MAST4: variants seen among roughly 807,000 people sequenced by gnomAD.
MAST4 encodes microtubule associated serine/threonine kinase family member 4, also known as microtubule-associated serine/threonine-protein kinase 4.
Under a neutral mutation model 162.7 loss-of-function variants are expected in MAST4, and 89 were observed. The ratio of observed to expected loss-of-function variants is 0.55; its 90% CI spans 0.46 to 0.65. MAST4 has a LOEUF of 0.65. MAST4 is among the 30% of genes least tolerant of loss of function. The pLI is 0.00. For missense variants in MAST4, 3,153 were observed against 3,374.0 expected, an observed-to-expected ratio of 0.93 and a Z score of 1.62; for synonymous variants, 1,479 against 1,361.1, an observed-to-expected ratio of 1.09 and a Z score of -1.91.
chr5:66,850,428 T>A (rs1759220669), intron 3 of MAST4, among the ~76,000 whole-genome samples: 1 of 152,258 alleles, frequency 6.6e-6, no homozygotes, highest in Non-Finnish European at 1.5e-5. Context: ...TGAGTTCTTC[T>A]GTGTGGCCAC....
intron 1 of MAST4, among the ~76,000 whole-genome samples, chr5:66,697,950 C>T (rs1363541637): frequency 8.5e-5 from 13 of 152,168 alleles, no homozygotes; most frequent in Admixed American, 8.5e-4. Context: ...CCATAAGCTA[C>T]AGCACGTCCT....
chr5:67,060,773 C>T (rs1391376791), intron 5 of MAST4, among the ~76,000 whole-genome samples: 1 of 152,070 alleles, frequency 6.6e-6, no homozygotes, highest in African/African-American at 2.4e-5. Flanking sequence ...CCAGTGCCAT[C>T]CTTGATATCA....
At chr5:67,052,491 C>T (rs1758307179) in intron 4 of MAST4, among the ~76,000 whole-genome samples, 1 of 151,714 alleles carries the variant, frequency 6.6e-6, no homozygotes, top group Admixed American at 6.6e-5. Context: ...CATTGTTTTG[C>T]CTATTGTGGT....
chr5:66,882,918 A>C (rs17215834), intron 3 of MAST4, among the ~76,000 whole-genome samples: 1 of 152,192 alleles, frequency 6.6e-6, no homozygotes, highest in Non-Finnish European at 1.5e-5. Context: ...TTACCGATAC[A>C]AGAAGAAGCA....
intron 4 of MAST4, among the ~76,000 whole-genome samples, chr5:66,993,369 A>G (rs1376155522): frequency 2.0e-5 from 3 of 152,236 alleles, no homozygotes; most frequent in Non-Finnish European, 4.4e-5. Flanking sequence ...ACTTTGAGAC[A>G]TACACAGATG....
intron 1 of MAST4, among the ~76,000 whole-genome samples, chr5:66,644,478 A>C (rs1266735973): frequency 6.6e-6 from 1 of 152,180 alleles, no homozygotes; most frequent in Non-Finnish European, 1.5e-5. Flanking sequence ...CTGAGAGAGA[A>C]ATCTCTTTGG....
intron 4 of MAST4, among the ~76,000 whole-genome samples, chr5:67,020,903 TC>T (rs369419229): frequency 3.0e-4 from 45 of 152,302 alleles, no homozygotes; most frequent in African/African-American, 1.0e-3. Context: ...CTACACTGAT[TC>T]CCATGGGATG....
intron 3 of MAST4, among the ~76,000 whole-genome samples, chr5:66,855,129 G>A (rs1415200753): frequency 2.0e-5 from 3 of 152,202 alleles, no homozygotes; most frequent in South Asian, 4.1e-4. Flanking sequence ...CGTTGGAGGT[G>A]GGCCCTGGTG....
chr5:67,062,872 G>A (rs970557031), intron 5 of MAST4, among the ~76,000 whole-genome samples: 36 of 151,986 alleles, frequency 2.4e-4, no homozygotes, highest in African/African-American at 8.2e-4. Context: ...TCAGTTTAGG[G>A]CACCTTGCTG....
intron 1 of MAST4, among the ~76,000 whole-genome samples, chr5:66,643,997 C>T (rs1378655917): frequency 4.0e-5 from 6 of 149,276 alleles, no homozygotes; most frequent in Non-Finnish European, 8.9e-5. Context: ...AATAATGTGT[C>T]CTATATTCTA....
chr5:66,695,330 T>G (rs1447673770), intron 1 of MAST4, among the ~76,000 whole-genome samples: 2 of 152,334 alleles, frequency 1.3e-5, no homozygotes, highest in South Asian at 4.1e-4. Flanking sequence ...GTTGTAGATG[T>G]GTGGTCTTGT....
In MAST4 at chr5:67,164,544, A is replaced by T; in HGVS notation, c.5365A>T (p.Lys1789Ter). Residue 1789 changes from lysine (K) to a stop codon, truncating the protein, a stop_gained, in exon 29 of 29, where the codon AAG becomes TAG. Coordinates refer to ENST00000403625, the MANE Select transcript of MAST4 (RefSeq NM_001164664.2). LOFTEE classifies it low-confidence loss of function (END_TRUNC). This position sits in a 1 kb window ranked among gnomAD's most constrained non-coding sequence, Gnocchi z 5.3. ...TGTTAGGAAGAGCCCCTCCGAGTAT[A>T]AGCTGGAAGGTAGGTCTGTCTCATG... is the stretch of plus-strand genomic sequence containing the variant. ...SPVRKSPSEY[K>*]LEGRSVSCLK... 2 of 1,613,990 alleles carry T rather than the reference A, an allele frequency of 1.2e-6. No individual in the cohort carries two copies. The highest frequency in any genetic ancestry group is 1.7e-6 in the Non-Finnish European group (2 of 1,179,876).
At chr5:67,104,864 TCC>T (rs1765425965) in intron 10 of MAST4, among the ~76,000 whole-genome samples, 1 of 152,140 alleles carries the variant, frequency 6.6e-6, no homozygotes, top group Non-Finnish European at 1.5e-5. Context: ...AGTGATTTTT[TCC>T]CCCTTTAACC....
At chr5:66,855,860 C>G (rs1167021252) in intron 3 of MAST4, among the ~76,000 whole-genome samples, 1 of 152,114 alleles carries the variant, frequency 6.6e-6, no homozygotes, top group East Asian at 1.9e-4. Context: ...AAAAGTGTGT[C>G]TGTTTGAGAT....
chr5:66,617,449 T>C (rs1346362894), intron 1 of MAST4, among the ~76,000 whole-genome samples: 2 of 151,872 alleles, frequency 1.3e-5, no homozygotes, highest in African/African-American at 2.4e-5. Flanking sequence ...TTTCACACTT[T>C]GGGTCAGTAA....
At chr5:66,762,797 C>T (rs1243290098) in intron 2 of MAST4, among the ~76,000 whole-genome samples, 1 of 152,230 alleles carries the variant, frequency 6.6e-6, no homozygotes, top group Non-Finnish European at 1.5e-5. Context: ...TTTTCTTTGG[C>T]AGCATTCTGC....
chr5:66,651,574 A>G (rs377336742), intron 1 of MAST4, among the ~76,000 whole-genome samples: 18 of 152,232 alleles, frequency 1.2e-4, no homozygotes, highest in African/African-American at 4.1e-4. Flanking sequence ...ATACTAGATG[A>G]CAATGGATAA....
chr5:66,600,638 G>A (rs1286870667), intron 1 of MAST4, among the ~76,000 whole-genome samples: 1 of 152,210 alleles, frequency 6.6e-6, no homozygotes, highest in Non-Finnish European at 1.5e-5. Context: ...TGTATTCATT[G>A]ATTTTGTCTG....
chr5:67,134,304 CATT>C (rs1258628016), intron 17 of MAST4, among the ~76,000 whole-genome samples: 1 of 152,138 alleles, frequency 6.6e-6, no homozygotes, highest in Non-Finnish European at 1.5e-5. Context: ...TATAATTTAA[CATT>C]AGAGCAGAAC....
Sources: gnomAD v4.1 joint callset for allele counts (sites outside exome capture counted in the v4.1 genomes callset) on GRCh38, gnomAD v4.1.1 for gene constraint, Gnocchi (gnomAD v3.1) non-coding constraint, MANE v1.5 for transcripts, NCBI Gene and HGNC (gene_info 2026-07-23, HGNC 2026-07-21) for gene names.